The following PERM1 variants were observed in gnomAD, a reference collection of about 807,000 sequenced individuals.
The protein encoded by PERM1 is PGC-1 and ERR-induced regulator in muscle protein 1.
Under a neutral mutation model 44.1 loss-of-function variants are expected in PERM1, and 45 were observed. That is an observed-to-expected ratio of 1.02 (90% CI 0.80 to 1.31). PERM1 has a LOEUF of 1.31. Ranked by LOEUF, PERM1 falls within the 50% of genes most tolerant of loss-of-function variation. The pLI is 0.00. For missense variants in PERM1, 1,189 were observed against 1,106.9 expected (o/e 1.07, Z -1.05); for synonymous variants, 565 against 477.1 (o/e 1.18, Z -2.40).
At chr1:980,368 G>T in exon 1 of PERM1, 1 of 1,550,154 alleles carries the variant, frequency 6.5e-7, no homozygotes, top group Non-Finnish European at 8.7e-7. Context: ...CCCGGCTTTG[G>T]CCATCAGCTT....
Position 978,174 on chromosome 1 carries a change from C to A in PERM1, c.2149+707G>T, listed in dbSNP as rs1643677783. ...CCCCTCCAACCCCAGGAACCGCCTG[C>A]CCCACCCTAACCCTGCACACTCTTG... is the stretch of plus-strand genomic sequence containing the variant. On this transcript the variant is annotated intron_variant, in intron 1 of 2. Transcript: ENST00000433179. Among the ~76,000 whole-genome samples, 2 of 134,150 alleles carry A rather than the reference C, an allele frequency of 1.5e-5. 1 individual carries two copies. The highest frequency in any genetic ancestry group is 5.1e-4 in the South Asian group (2 of 3,898). 88.0% of individuals were successfully genotyped at this position (134,150 alleles called of 152,430 possible).
rs1557659005 is a variant in PERM1, at chr1:979,231, GCCTCAGCCTCTTCGTTCTCCTC to G, written c.1777_1798del (p.Glu593ArgfsTer107). ...TGCCGGATCCTGACCGGCCGCTGCC[GCCTCAGCCTCTTCGTTCTCCTC>G]GATGGTGTCACAGAAGAAGAACTCG... On this transcript the variant is annotated frameshift_variant, in exon 1 of 3. Transcript: ENST00000433179. LOFTEE classifies it high-confidence loss of function. 1 of 1,550,104 alleles carries G rather than the reference GCCTCAGCCTCTTCGTTCTCCTC, an allele frequency of 6.5e-7. No individual in the cohort carries two copies. The highest frequency in any genetic ancestry group is 8.7e-7 in the Non-Finnish European group (1 of 1,146,786).
At chr1:981,047 AC>A (rs1643782334), upstream of PERM1, 1 of 1,542,276 alleles carries the variant, frequency 6.5e-7, no homozygotes, top group South Asian at 1.2e-5. Flanking sequence ...CAGCAGAGGC[AC>A]TGGAGGGTAG....
At chr1:982,088 G>A (rs1384514787), upstream of PERM1, 5 of 1,287,890 alleles carry the variant, frequency 3.9e-6, no homozygotes, top group Non-Finnish European at 5.1e-6. Flanking sequence ...GCCGAGCTGG[G>A]CGTCTGAGCT....
At chr1:980,194 G>A (rs1441575744) in exon 1 of PERM1, 8 of 1,550,284 alleles carry the variant, frequency 5.2e-6, no homozygotes, top group Non-Finnish European at 7.0e-6. Flanking sequence ...CGTGGACACT[G>A]TGTGCAGCTT....
chr1:980,835 A>T (rs1570077574), exon 1 of PERM1: 2 of 1,399,978 alleles, frequency 1.4e-6, no homozygotes, highest in East Asian at 5.4e-5. Context: ...GCCCTCCTGC[A>T]GCTAGCTGCC....
chr1:976,120 G>A (rs1643592209), exon 3 of PERM1: 1 of 1,523,408 alleles, frequency 6.6e-7, no homozygotes, highest in Admixed American at 2.1e-5. Flanking sequence ...TCCTGCCCTG[G>A]GCGCCTGTGG....
At chr1:981,026 C>G in exon 1 of PERM1, 1 of 1,530,302 alleles carries the variant, frequency 6.5e-7, no homozygotes, top group Non-Finnish European at 8.8e-7. Context: ...TGGAAATTTT[C>G]CATGTGGAGT....
chr1:978,140 G>A (rs191701554), intron 1 of PERM1, among the ~76,000 whole-genome samples: 130 of 106,730 alleles, frequency 1.2e-3, no homozygotes, highest in African/African-American at 4.8e-3. Flanking sequence ...CCCGGGAACC[G>A]CCTGCCTCCC....
chr1:976,578 G>A (rs1643616740), exon 2 of PERM1: 5 of 1,549,568 alleles, frequency 3.2e-6, no homozygotes, highest in African/African-American at 1.4e-5. Flanking sequence ...CCAGGCACAT[G>A]TCATTCTGGC....
Position 980,395 on chromosome 1 carries a change from G to GC in PERM1, c.634dup (p.Ala212GlyfsTer4). The GC allele has an allele frequency of 6.5e-7, 1 of 1,550,014 alleles. No individual in the cohort carries two copies. Among genetic ancestry groups the GC allele is most frequent in the African/African-American group, 1.4e-5 (1 of 73,190 alleles). On this transcript the variant is annotated frameshift_variant, in exon 1 of 3. Transcript: ENST00000433179. LOFTEE classifies it high-confidence loss of function. ...CATCAGCTTTGCCGTCTCAGGACTG[G>GC]CCGCAGGGAGCAGCGGGGAGCCCGT...
At chr1:976,319 C>A in intron 2 of PERM1, 50 bp from the exon 4 acceptor site, 1 of 1,467,318 alleles carries the variant, frequency 6.8e-7, no homozygotes, top group Non-Finnish European at 9.0e-7. Flanking sequence ...CTGTCGGCAC[C>A]GTCTGCCCGC....
chr1:980,953 C>T (rs969883169), exon 1 of PERM1: 6 of 1,458,944 alleles, frequency 4.1e-6, no homozygotes, highest in Non-Finnish European at 5.4e-6. Context: ...CTGCAGGAGG[C>T]CACACTCATC....
rs1002896665 is a variant in PERM1, at chr1:976,642, C to T, written c.2150-18G>A. Reference sequence around the variant, plus strand: ...GAGCTCCCCTAGGACAGAAGCTCACCTTCAGCCCCACGGCTGCACTCAGAG... The same window carrying T: ...GAGCTCCCCTAGGACAGAAGCTCACTTTCAGCCCCACGGCTGCACTCAGAG... On this transcript the variant is annotated intron_variant, in intron 1 of 2. Transcript: ENST00000433179. 1.3e-6 allele frequency: 2 copies of T among 1,548,872 alleles called. No individual in the cohort carries two copies. Among genetic ancestry groups the T allele is most frequent in the Non-Finnish European group, 1.7e-6 (2 of 1,146,056 alleles).
In PERM1 at chr1:976,733, T is replaced by TGCC. The variant is rs1370731753; in HGVS notation, c.2150-110_2150-109insGGC. ...ACCCCCACCAACCCCGGGAACCGCCTCCCACTCCCCCCGCCAACCCCGGGA... is the reference window on the plus strand; with the variant it reads ...ACCCCCACCAACCCCGGGAACCGCCTGCCCCCACTCCCCCCGCCAACCCCGGGA... On this transcript the variant is annotated intron_variant, in intron 1 of 2. Coordinates refer to ENST00000433179, the Ensembl canonical transcript of PERM1. 11 of 961,414 alleles carry TGCC rather than the reference T, an allele frequency of 1.1e-5. No individual in the cohort carries two copies. In the African/African-American group the frequency reaches 1.5e-4, roughly 13 times the overall value. 59.6% of individuals were successfully genotyped at this position (961,414 alleles called of 1,614,324 possible).
exon 3 of PERM1, chr1:975,537 G>A (rs922168912): frequency 6.6e-6 from 1 of 152,412 alleles, no homozygotes; most frequent in African/African-American, 2.4e-5. Flanking sequence ...GCACTGGGGA[G>A]GGGCAGGCAG....
In PERM1 at chr1:980,289, G is replaced by A. The variant is rs147218770; in HGVS notation, c.741C>T (p.Asp247=). 7,014 of 1,550,398 alleles carry A rather than the reference G, an allele frequency of 4.5e-3. 25 individuals carry two copies. The highest frequency in any genetic ancestry group is 7.5e-3 in the Middle Eastern group (45 of 5,992). Residue 247 remains aspartate (D), a synonymous_variant, in exon 1 of 3, where the codon GAC becomes GAT. Transcript: ENST00000433179. ...ACAGGCCCAAACCTGGCCCTGGTCT[G>A]TCTTCCTGCACAGGGGACCTGGGGC... is the stretch of plus-strand genomic sequence containing the variant.
chr1:982,069 G>C, upstream of PERM1: 1 of 1,288,310 alleles, frequency 7.8e-7, no homozygotes, highest in Non-Finnish European at 1.0e-6. Flanking sequence ...TCCTACCTGG[G>C]TCCCGGCGGC....
chr1:976,059 G>A (rs1643589688), exon 3 of PERM1: 4 of 1,073,448 alleles, frequency 3.7e-6, no homozygotes, highest in Admixed American at 2.9e-5. Flanking sequence ...CCCCCCTCCT[G>A]GACGCGGTAG....
Sources: gnomAD v4.1 joint callset for allele counts (sites outside exome capture counted in the v4.1 genomes callset) on GRCh38, gnomAD v4.1.1 for gene constraint, MANE v1.5 for transcripts, NCBI Gene and HGNC (gene_info 2026-07-23, HGNC 2026-07-21) for gene names.